The following CDH1 variants were observed in gnomAD, a reference collection of about 807,000 sequenced individuals.
CDH1 encodes cadherin-1.
In CDH1, 35 loss-of-function variants were observed where a neutral mutation model predicts 84.5. The ratio of observed to expected loss-of-function variants is 0.41; its 90% CI spans 0.32 to 0.55. The LOEUF (loss-of-function observed/expected upper bound fraction) is 0.55, where lower values mean the gene tolerates loss of function less well. Among genes scored for constraint, CDH1 ranks in the 20% least tolerant of loss-of-function variants. The pLI, the probability that CDH1 is intolerant of heterozygous loss-of-function variation, is 0.19. For synonymous variants in CDH1, 417 were observed against 439.0 expected (o/e 0.95, Z 0.63); for missense variants, 994 against 1,126.6 (o/e 0.88, Z 1.68).
At chr16:68,789,363 C>G (rs1015088286) in intron 2 of CDH1, among the ~76,000 whole-genome samples, 1 of 151,834 alleles carries the variant, frequency 6.6e-6, no homozygotes, top group African/African-American at 2.4e-5. Context: ...TGTCCAGAAC[C>G]TAATTTTGGA....
chr16:68,766,116 G>A (rs535303729), intron 2 of CDH1, among the ~76,000 whole-genome samples: 6 of 152,082 alleles, frequency 3.9e-5, no homozygotes, highest in South Asian at 2.1e-4. Context: ...AAAATTAGCC[G>A]GGTGTGGTGG....
chr16:68,744,478 C>T (rs1354875001), intron 2 of CDH1, among the ~76,000 whole-genome samples: 1 of 152,244 alleles, frequency 6.6e-6, no homozygotes, highest in East Asian at 1.9e-4. Context: ...ATGTAAGTTT[C>T]CCTAGGCCAG....
chr16:68,744,697 C>G (rs1962675915), intron 2 of CDH1, among the ~76,000 whole-genome samples: 1 of 152,170 alleles, frequency 6.6e-6, no homozygotes, highest in African/African-American at 2.4e-5. Flanking sequence ...TGTCACTTCC[C>G]AGCCTAGGGA....
rs745717070 is a variant in CDH1, at chr16:68,828,211, A to T, written c.2202A>T (p.Arg734Ser). ...TGCTCTTGCTGTTTCTTCGGAGGAG[A>T]GCGGTGGTCAAAGAGCCCTTACTGC... ...ILLLLLFLRR[R>S]AVVKEPLLPP... Residue 734 changes from arginine to serine, a missense_variant, in exon 14 of 16, where the codon AGA (arginine) becomes AGT (serine). Physicochemically the swap from Arg to Ser is moderately radical, Grantham distance 110 (BLOSUM62 -1). Transcript: ENST00000261769. 21 of 1,613,638 alleles carry T rather than the reference A, an allele frequency of 1.3e-5. No homozygotes were observed. Among genetic ancestry groups the T allele is most frequent in the Non-Finnish European group, 1.7e-5 (20 of 1,179,950 alleles).
Position 68,833,521 on chromosome 16 carries a change from C to G in CDH1, c.*22C>G, listed in dbSNP as rs750554321. The G allele has an allele frequency of 6.3e-7, 1 of 1,593,568 alleles. No homozygotes were observed. The highest frequency in any genetic ancestry group is 8.6e-7 in the Non-Finnish European group (1 of 1,162,568). ...CTAGGGGACTCGAGAGAGGCGGGCC[C>G]CAGACCCATGTGCTGGGAAATGCAG... On this transcript the variant is annotated 3_prime_UTR_variant, in exon 16 of 16. Transcript: ENST00000261769.
intron 3 of CDH1, among the ~76,000 whole-genome samples, chr16:68,802,459 G>A (rs1239563203): frequency 6.6e-6 from 1 of 152,064 alleles, no homozygotes; most frequent in Non-Finnish European, 1.5e-5. Context: ...GAATGAATGA[G>A]AGCTGGATTC....
rs555202424 is a variant in CDH1, at chr16:68,738,964, T to TTTTA, written c.163+553_163+554insTTTA. On this transcript the variant is annotated intron_variant, in intron 2 of 15. Transcript: ENST00000261769. ...TTTTTTTTTTTTTTTTTTTTTTTTT[T>TTTTA]AAAGACAGGGTCTTGCTCTGTTGCC... Among the ~76,000 whole-genome samples the TTTTA allele has an allele frequency of 4.6e-4, 30 of 65,404 alleles. 9 individuals are homozygous for TTTTA. The highest frequency in any genetic ancestry group is 9.2e-4 in the Admixed American group (4 of 4,346). The allele number at this position is 65,404 out of a possible 152,430, so 42.9% of individuals were successfully genotyped here. A position where few individuals can be genotyped will look rare whatever the true frequency, so the allele number is the denominator to read the frequency against.
intron 10 of CDH1, among the ~76,000 whole-genome samples, chr16:68,816,874 A>C (rs1414701018): frequency 2.0e-5 from 3 of 152,248 alleles, no homozygotes; most frequent in Non-Finnish European, 2.9e-5. Context: ...GAAGTTTAAA[A>C]GAATGATGAA....
At chr16:68,762,826 T>C (rs1398824879) in intron 2 of CDH1, among the ~76,000 whole-genome samples, 1 of 146,030 alleles carries the variant, frequency 6.8e-6, no homozygotes. Context: ...GGAGAATCGC[T>C]TGAACCCCTG....
intron 2 of CDH1, among the ~76,000 whole-genome samples, chr16:68,764,223 T>G (rs887008819): frequency 2.0e-5 from 3 of 152,204 alleles, no homozygotes; most frequent in African/African-American, 7.2e-5. Context: ...TTCATCAGAT[T>G]TCTCTGAGGA....
At chr16:68,743,976 AGGTTAC>A (rs1293750040) in intron 2 of CDH1, among the ~76,000 whole-genome samples, 2 of 152,256 alleles carry the variant, frequency 1.3e-5, no homozygotes, top group African/African-American at 2.4e-5. Context: ...CTAGACCCTG[AGGTTAC>A]GGCAGATTGG....
chr16:68,808,407 ATCT>A lies in CDH1; in HGVS notation c.388-12_388-10del, dbSNP rs1213234602. 1 of 1,614,066 alleles carries A rather than the reference ATCT, an allele frequency of 6.2e-7. No individual in the cohort carries two copies. Among genetic ancestry groups the A allele is most frequent in the Non-Finnish European group, 8.5e-7 (1 of 1,179,948 alleles). ...CTTGAATTGTCTTATCTTGTTCCTC[ATCT>A]TCTTTCCTTTTAGGCCTCCGTTTCT... On this transcript the variant is annotated splice_polypyrimidine_tract_variant and intron_variant, in intron 3 of 15. Coordinates refer to ENST00000261769, the MANE Select transcript of CDH1 (RefSeq NM_004360.5).
chr16:68,781,630 T>C (rs1445872780), intron 2 of CDH1, among the ~76,000 whole-genome samples: 1 of 152,130 alleles, frequency 6.6e-6, no homozygotes, highest in Non-Finnish European at 1.5e-5. Flanking sequence ...TGCAACACCA[T>C]GCCCGGCCAA....
rs117090205 is a variant in CDH1, at chr16:68,824,548, G to T, written c.2164+922G>T. On this transcript the variant is annotated intron_variant, in intron 13 of 15. Transcript: ENST00000261769. ...GGCCCAAACACAGCCACATCTAGCTGCAAGGGAACCTGGAAGCTTCTACTT... is the reference window on the plus strand; with the variant it reads ...GGCCCAAACACAGCCACATCTAGCTTCAAGGGAACCTGGAAGCTTCTACTT... Among the ~76,000 whole-genome samples the T allele has an allele frequency of 1.6e-4, 24 of 152,264 alleles. No homozygotes were observed. In the East Asian group the frequency reaches 4.4e-3, roughly 28 times the overall value.
chr16:68,755,472 C>T (rs1348526046), intron 2 of CDH1, among the ~76,000 whole-genome samples: 1 of 151,856 alleles, frequency 6.6e-6, no homozygotes, highest in Non-Finnish European at 1.5e-5. Context: ...TCTCGAACTC[C>T]TGAGCTTAAG....
intron 2 of CDH1, among the ~76,000 whole-genome samples, chr16:68,772,850 C>G (rs1443380440): frequency 6.6e-6 from 1 of 151,934 alleles, no homozygotes; most frequent in Admixed American, 6.6e-5. Flanking sequence ...TCGCTTGAGC[C>G]TGGGAGGTCA....
chr16:68,823,815 G>T (rs909741633), intron 13 of CDH1, among the ~76,000 whole-genome samples, 189 bp downstream of exon 13: 7 of 152,046 alleles, frequency 4.6e-5, no homozygotes, highest in Admixed American at 6.6e-5. Context: ...GAGGTAAATG[G>T]TCTAAGATGG....
intron 2 of CDH1, among the ~76,000 whole-genome samples, chr16:68,793,093 G>C (rs936785527): frequency 6.6e-6 from 1 of 152,174 alleles, no homozygotes; most frequent in African/African-American, 2.4e-5. Context: ...GCCACCCTGA[G>C]AGCACATTGC....
At chr16:68,738,185 T>TTGGGGG in intron 1 of CDH1, 112 bp from the exon 2 acceptor site, 1 of 706,412 alleles carries the variant, frequency 1.4e-6, no homozygotes, top group South Asian at 1.9e-5. Context: ...CGGGCTGGGG[T>TTGGGGG]CCTCCCCCAA....
Sources: gnomAD v4.1 joint callset for allele counts (sites outside exome capture counted in the v4.1 genomes callset) on GRCh38, gnomAD v4.1.1 for gene constraint, MANE v1.5 for transcripts, NCBI Gene and HGNC (gene_info 2026-07-23, HGNC 2026-07-21) for gene names.